The following BTG4 variants were observed in gnomAD, a reference collection of about 807,000 sequenced individuals.
BTG4 encodes protein BTG4.
A neutral mutation model predicts 19.3 loss-of-function variants in BTG4; 10 were observed. The ratio of observed to expected loss-of-function variants is 0.52; its 90% CI spans 0.32 to 0.88. The LOEUF is 0.88. Ranked by LOEUF, BTG4 falls within the 40% of genes least tolerant of loss-of-function variation. The pLI is 0.04. For synonymous variants in BTG4, 91 were observed against 95.7 expected (o/e 0.95, Z 0.29); for missense variants, 238 against 281.9 (o/e 0.84, Z 1.11).
the BTG4 span, chr11:111,454,380 A>G: frequency 2.2e-6 from 1 of 448,580 alleles, no homozygotes; most frequent in South Asian, 1.6e-5. Flanking sequence ...TCCAGGCAAC[A>G]CTTCTACCCA....
At chr11:111,457,356 G>A in the BTG4 span, 1 of 152,778 alleles carries the variant, frequency 6.5e-6, no homozygotes, top group African/African-American at 2.4e-5. Flanking sequence ...AGTCACAGGA[G>A]GCATCTCGCC....
the BTG4 span, among the ~76,000 whole-genome samples, chr11:111,396,205 C>T: frequency 6.6e-6 from 1 of 152,232 alleles, no homozygotes; most frequent in African/African-American, 2.4e-5. Context: ...ATAGTTGGCG[C>T]TTTGGGGATA....
chr11:111,479,891 T>G (rs2135567980), intron 5 of BTG4, among the ~76,000 whole-genome samples: 1 of 152,028 alleles, frequency 6.6e-6, no homozygotes. Context: ...AAAATGAAAT[T>G]CTAAAAAGTG....
chr11:111,489,659 T>C (rs1865292981), intron 5 of BTG4, among the ~76,000 whole-genome samples: 1 of 152,074 alleles, frequency 6.6e-6, no homozygotes, highest in Non-Finnish European at 1.5e-5. Context: ...TTACGAAGAA[T>C]AAAATCCTTC....
downstream of BTG4, among the ~76,000 whole-genome samples, chr11:111,466,058 A>G (rs1863702357): frequency 6.6e-6 from 1 of 152,106 alleles, no homozygotes; most frequent in African/African-American, 2.4e-5. Flanking sequence ...CTGGCCTTGT[A>G]ATTTTGAGAG....
At chr11:111,441,606 C>T in the BTG4 span, among the ~76,000 whole-genome samples, 246 of 152,342 alleles carry the variant, frequency 1.6e-3, 2 homozygotes, top group Non-Finnish European at 3.0e-3. Context: ...GCCTCTCCCA[C>T]GCCTGACTAT....
the BTG4 span, among the ~76,000 whole-genome samples, chr11:111,441,670 A>C: frequency 1.3e-5 from 2 of 152,252 alleles, no homozygotes; most frequent in African/African-American, 4.8e-5. Flanking sequence ...GTACAGGGTA[A>C]GAACTCCTTG....
downstream of BTG4, chr11:111,466,930 T>G (rs755333430): frequency 6.5e-6 from 1 of 152,674 alleles, no homozygotes. Flanking sequence ...CAGTTACTCA[T>G]GGAGCCTAGA....
chr11:111,436,808 A>C, the BTG4 span, among the ~76,000 whole-genome samples: 4 of 151,944 alleles, frequency 2.6e-5, no homozygotes, highest in Admixed American at 2.6e-4. Flanking sequence ...CCACACACCC[A>C]GGCAAGGCGC....
At chr11:111,456,944 A>G in the BTG4 span, 1 of 167,960 alleles carries the variant, frequency 6.0e-6, no homozygotes, top group Non-Finnish European at 1.3e-5. The surrounding 1 kb of genome is among the most constrained non-coding windows in gnomAD (Gnocchi z 4.2). Flanking sequence ...TGGATCCAGA[A>G]GGTGCCATGA....
At chr11:111,499,024 A>AG (rs1336997433) in intron 1 of BTG4, among the ~76,000 whole-genome samples, 2 of 151,924 alleles carry the variant, frequency 1.3e-5, no homozygotes, top group African/African-American at 2.4e-5. Flanking sequence ...AGGTTTTCAA[A>AG]GGAAAAAAAA....
At chr11:111,486,986 C>T (rs1215963671) in intron 5 of BTG4, among the ~76,000 whole-genome samples, 3 of 152,094 alleles carry the variant, frequency 2.0e-5, no homozygotes, top group Non-Finnish European at 4.4e-5. Flanking sequence ...CGCCTCCTCC[C>T]TGACAGGCCC....
chr11:111,513,230 C>G (rs1867079392), upstream of BTG4, among the ~76,000 whole-genome samples: 1 of 152,222 alleles, frequency 6.6e-6, no homozygotes. Flanking sequence ...GAAACAGTCT[C>G]ATGCCAGGAA....
the BTG4 span, chr11:111,452,596 A>T: frequency 6.6e-6 from 1 of 152,260 alleles, no homozygotes; most frequent in Admixed American, 6.5e-5. Context: ...GACAAGCGAC[A>T]TCTTAACCAC....
At chr11:111,504,806 G>A (rs12285358) in intron 1 of BTG4, among the ~76,000 whole-genome samples, 20 of 152,072 alleles carry the variant, frequency 1.3e-4, no homozygotes, top group African/African-American at 4.8e-4. Context: ...AAAATCAGTA[G>A]CATTTCTATA....
At chr11:111,401,388 A>C in the BTG4 span, among the ~76,000 whole-genome samples, 3 of 151,974 alleles carry the variant, frequency 2.0e-5, no homozygotes, top group African/African-American at 7.2e-5. Flanking sequence ...GGGCTGAGGC[A>C]GGAGAATGGC....
chr11:111,475,067 T>C (rs1235565745), intron 5 of BTG4: 2 of 152,614 alleles, frequency 1.3e-5, no homozygotes, highest in Non-Finnish European at 2.9e-5. Flanking sequence ...AAAACAACTA[T>C]ATAATGTTTA....
the BTG4 span, among the ~76,000 whole-genome samples, chr11:111,409,050 C>T: frequency 4.6e-5 from 7 of 152,198 alleles, no homozygotes; most frequent in South Asian, 2.1e-4. Flanking sequence ...AGTGGGATAA[C>T]GCCATTTCAG....
chr11:111,433,255 G>A, the BTG4 span, among the ~76,000 whole-genome samples: 1 of 152,142 alleles, frequency 6.6e-6, no homozygotes, highest in Non-Finnish European at 1.5e-5. Context: ...ACTGTGGTGT[G>A]GGGGCATGAA....
Sources: allele counts gnomAD v4.1 joint callset (sites outside exome capture counted in the v4.1 genomes callset), GRCh38; gene constraint gnomAD v4.1.1; non-coding constraint Gnocchi (gnomAD v3.1); transcripts MANE v1.5; gene names NCBI Gene and HGNC (gene_info 2026-07-23, HGNC 2026-07-21).